The following TMEM132D variants were observed in gnomAD, a reference collection of about 807,000 sequenced individuals.
The protein encoded by TMEM132D is transmembrane protein 132D.
A neutral mutation model predicts 62.3 loss-of-function variants in TMEM132D; 21 were observed. The ratio of observed to expected loss-of-function variants is 0.34; its 90% CI spans 0.24 to 0.49. TMEM132D has a LOEUF of 0.49. Ranked by LOEUF, TMEM132D falls within the 20% of genes least tolerant of loss-of-function variation. TMEM132D has a pLI of 0.99. For synonymous variants in TMEM132D, 621 were observed against 575.6 expected (o/e 1.08, Z -1.13); for missense variants, 1,346 against 1,402.8 (o/e 0.96, Z 0.65).
In TMEM132D at chr12:129,531,197, A is replaced by G. The variant is rs762276606; in HGVS notation, c.977T>C (p.Val326Ala). 3.1e-6 allele frequency: 5 copies of G among 1,610,446 alleles called. No individual in the cohort carries two copies. Among genetic ancestry groups the G allele is most frequent in the Non-Finnish European group, 4.2e-6 (5 of 1,178,778 alleles). Residue 326 changes from valine to alanine, a missense_variant, in exon 3 of 9, where the codon GTG becomes GCG. Val to Ala is a moderately conservative substitution (Grantham distance 64). Coordinates refer to ENST00000422113, the MANE Select transcript of TMEM132D (RefSeq NM_133448.3). ...GCCGATGATGTTCACGCCTTTCTTC[A>G]CCTTTGCCCTGTTGGAGACAGCACG... Reference protein sequence around the residue: ...TEDRFTLRAKVKKGVNIIGVR... With the variant: ...TEDRFTLRAKAKKGVNIIGVR...
At chr12:129,642,575 TTCTC>T (rs1269170227) in intron 2 of TMEM132D, among the ~76,000 whole-genome samples, 7 of 152,218 alleles carry the variant, frequency 4.6e-5, no homozygotes, top group African/African-American at 1.2e-4. Flanking sequence ...ACAGATTGAT[TTCTC>T]TCTATTTGGC....
intron 5 of TMEM132D, among the ~76,000 whole-genome samples, chr12:129,175,762 T>C (rs1039495931): frequency 2.6e-5 from 4 of 152,176 alleles, no homozygotes; most frequent in African/African-American, 9.7e-5. Flanking sequence ...CTGTGTAGCT[T>C]ACATAATTTA....
At chr12:129,751,694 AT>A (rs900034019) in intron 1 of TMEM132D, among the ~76,000 whole-genome samples, 9 of 152,184 alleles carry the variant, frequency 5.9e-5, no homozygotes, top group Non-Finnish European at 1.0e-4. Flanking sequence ...AAAGAAGTGC[AT>A]TTTTTTGGTG....
intron 3 of TMEM132D, among the ~76,000 whole-genome samples, chr12:129,358,504 A>G (rs762319080): frequency 2.0e-5 from 3 of 152,202 alleles, no homozygotes; most frequent in Admixed American, 2.0e-4. Context: ...GAAAATTGGC[A>G]GACACCACAA....
At chr12:129,742,622 T>G (rs1869645883) in intron 1 of TMEM132D, among the ~76,000 whole-genome samples, 1 of 152,160 alleles carries the variant, frequency 6.6e-6, no homozygotes, top group Admixed American at 6.5e-5. Context: ...CTTAAACAAT[T>G]AAGTTTTGCT....
chr12:129,587,363 G>A (rs1878059478), intron 2 of TMEM132D, among the ~76,000 whole-genome samples: 1 of 152,138 alleles, frequency 6.6e-6, no homozygotes. Context: ...GCACGTAGAG[G>A]GTAAGGATAC....
chr12:129,231,815 C>T (rs1249531961), intron 4 of TMEM132D, among the ~76,000 whole-genome samples: 1 of 152,168 alleles, frequency 6.6e-6, no homozygotes, highest in East Asian at 1.9e-4. Context: ...GAACATAGAG[C>T]CAAACTATCT....
At chr12:129,163,905 C>T (rs1375594718) in intron 5 of TMEM132D, among the ~76,000 whole-genome samples, 2 of 152,198 alleles carry the variant, frequency 1.3e-5, no homozygotes, top group East Asian at 3.9e-4. Context: ...TTGCAATCTA[C>T]TCCCTGGGAA....
At chr12:129,219,074 A>T (rs948273395) in intron 4 of TMEM132D, among the ~76,000 whole-genome samples, 1 of 152,194 alleles carries the variant, frequency 6.6e-6, no homozygotes, top group Non-Finnish European at 1.5e-5. Flanking sequence ...ACATGGAAAG[A>T]TGTCCATAAT....
chr12:129,452,213 G>A (rs544681240), intron 3 of TMEM132D, among the ~76,000 whole-genome samples: 4 of 152,314 alleles, frequency 2.6e-5, no homozygotes, highest in African/African-American at 9.6e-5. Context: ...AAAGGGCAGT[G>A]CGTAATAGCG....
At chr12:129,550,025 G>T (rs1278731070) in intron 2 of TMEM132D, among the ~76,000 whole-genome samples, 1 of 152,090 alleles carries the variant, frequency 6.6e-6, no homozygotes, top group Non-Finnish European at 1.5e-5. Flanking sequence ...TTCCTGTTAG[G>T]ATATAAACAT....
chr12:129,567,143 AC>A (rs1364420266), intron 2 of TMEM132D, among the ~76,000 whole-genome samples: 14 of 152,376 alleles, frequency 9.2e-5, no homozygotes, highest in Admixed American at 8.5e-4. Flanking sequence ...CAAATATTTT[AC>A]AGTATTTGAC....
intron 1 of TMEM132D, among the ~76,000 whole-genome samples, chr12:129,811,562 G>A (rs978124809): frequency 3.3e-5 from 5 of 151,784 alleles, no homozygotes; most frequent in Non-Finnish European, 5.9e-5. Flanking sequence ...AAATCCCAGG[G>A]CCTGTGCGTA....
At chr12:129,297,664 G>T (rs1378805410) in intron 4 of TMEM132D, among the ~76,000 whole-genome samples, 1 of 152,160 alleles carries the variant, frequency 6.6e-6, no homozygotes, top group Non-Finnish European at 1.5e-5. Context: ...TCTGCGGCCA[G>T]GGCACAGGAT....
chr12:129,608,464 A>C (rs576939738), intron 2 of TMEM132D, among the ~76,000 whole-genome samples: 16 of 152,180 alleles, frequency 1.1e-4, no homozygotes, highest in Non-Finnish European at 2.2e-4. Context: ...GACAGGTCAG[A>C]GCTTAGACAA....
At chr12:129,898,736 C>G (rs1354217896) in intron 1 of TMEM132D, among the ~76,000 whole-genome samples, 1 of 152,260 alleles carries the variant, frequency 6.6e-6, no homozygotes, top group Non-Finnish European at 1.5e-5. Flanking sequence ...ATCTCTCCTA[C>G]AAATGGCAAG....
chr12:129,859,586 T>C (rs770234308), intron 1 of TMEM132D, among the ~76,000 whole-genome samples: 3 of 152,158 alleles, frequency 2.0e-5, no homozygotes, highest in Non-Finnish European at 4.4e-5. Flanking sequence ...GACTGGGAGA[T>C]GCAGACCCAC....
intron 4 of TMEM132D, among the ~76,000 whole-genome samples, chr12:129,263,036 A>G (rs1306093614): frequency 6.6e-6 from 1 of 152,110 alleles, no homozygotes; most frequent in East Asian, 1.9e-4. Flanking sequence ...CTGAGAACGT[A>G]TTCTCCATTT....
At chr12:129,541,377 A>G (rs1001116842) in intron 2 of TMEM132D, among the ~76,000 whole-genome samples, 60 of 152,148 alleles carry the variant, frequency 3.9e-4, no homozygotes, top group Non-Finnish European at 4.9e-4. Context: ...TATTTTACAA[A>G]TTGTTATGTG....
Sources: allele counts gnomAD v4.1 joint callset (sites outside exome capture counted in the v4.1 genomes callset), GRCh38; gene constraint gnomAD v4.1.1; transcripts MANE v1.5; gene names NCBI Gene and HGNC (gene_info 2026-07-23, HGNC 2026-07-21).